ZNF804A: variants seen among roughly 807,000 people sequenced by gnomAD.
The protein encoded by ZNF804A is zinc finger protein 804A.
ZNF804A carries 2 observed loss-of-function variants against 16.5 expected under a neutral mutation model. The ratio of observed to expected loss-of-function variants is 0.12; its 90% CI spans 0.05 to 0.38. The LOEUF (loss-of-function observed/expected upper bound fraction) is 0.38, where lower values mean the gene tolerates loss of function less well. ZNF804A is among the 10% of genes least tolerant of loss of function. The pLI is 0.99. For synonymous variants in ZNF804A, 534 were observed against 489.6 expected (o/e 1.09, Z -1.20); for missense variants, 1,473 against 1,390.7 (o/e 1.06, Z -0.94).
At chr2:184,907,500 A>C (rs1368667590) in intron 2 of ZNF804A, among the ~76,000 whole-genome samples, 1 of 152,134 alleles carries the variant, frequency 6.6e-6, no homozygotes, top group Non-Finnish European at 1.5e-5. Flanking sequence ...TATTCTGTTA[A>C]ATTTTTATTG....
intron 1 of ZNF804A, among the ~76,000 whole-genome samples, chr2:184,752,958 A>C (rs1693898690): frequency 6.6e-6 from 1 of 151,624 alleles, no homozygotes; most frequent in African/African-American, 2.4e-5. Flanking sequence ...AATTAAAAAA[A>C]TAAGTTTTGG....
chr2:184,687,193 T>A (rs1227476942), intron 1 of ZNF804A, among the ~76,000 whole-genome samples: 2 of 152,216 alleles, frequency 1.3e-5, no homozygotes, highest in Non-Finnish European at 2.9e-5. Context: ...TGAGTTAGTT[T>A]TTGCATATGG....
chr2:184,662,881 C>T (rs1014656863), intron 1 of ZNF804A, among the ~76,000 whole-genome samples: 1 of 152,136 alleles, frequency 6.6e-6, no homozygotes, highest in Non-Finnish European at 1.5e-5. Flanking sequence ...TATCTTTTTC[C>T]TTTCAATTCA....
At chr2:184,782,515 A>G (rs1694385354) in intron 1 of ZNF804A, among the ~76,000 whole-genome samples, 1 of 151,438 alleles carries the variant, frequency 6.6e-6, no homozygotes, top group Non-Finnish European at 1.5e-5. Flanking sequence ...TGTTTCTCTC[A>G]TGCTGGATGC....
At chr2:184,668,955 T>C (rs2105711060) in intron 1 of ZNF804A, among the ~76,000 whole-genome samples, 1 of 149,112 alleles carries the variant, frequency 6.7e-6, no homozygotes, top group South Asian at 2.1e-4. Context: ...GTGACACCAT[T>C]TTTGTATTTA....
chr2:184,603,825 T>C (rs1466568176), intron 1 of ZNF804A, among the ~76,000 whole-genome samples: 2 of 152,188 alleles, frequency 1.3e-5, no homozygotes, highest in East Asian at 3.8e-4. Context: ...AAAGACCATC[T>C]TGTGTTTCAA....
chr2:184,619,094 G>T (rs1691377295), intron 1 of ZNF804A, among the ~76,000 whole-genome samples: 1 of 152,014 alleles, frequency 6.6e-6, no homozygotes, highest in Admixed American at 6.6e-5. Flanking sequence ...TGTGATGTGT[G>T]AACAAAAAGT....
chr2:184,639,397 A>G (rs1323916591), intron 1 of ZNF804A, among the ~76,000 whole-genome samples: 2 of 151,926 alleles, frequency 1.3e-5, no homozygotes, highest in Non-Finnish European at 2.9e-5. Flanking sequence ...TCAAACATTG[A>G]TGATTCAGGA....
In ZNF804A at chr2:184,938,643, C is replaced by G. The variant is rs760547302; in HGVS notation, c.3247C>G (p.Pro1083Ala). 2 of 1,614,010 alleles carry G rather than the reference C, an allele frequency of 1.2e-6. No individual in the cohort carries two copies. Among genetic ancestry groups the G allele is most frequent in the Non-Finnish European group, 1.7e-6 (2 of 1,179,988 alleles). ...ALPPPSTPLQPLPLQQSLCST... is the reference protein window; with the variant it reads ...ALPPPSTPLQALPLQQSLCST... ...CCCACCCCCTAGCACACCTCTGCAG[C>G]CTTTGCCTTTGCAGCAGTCCTTATG... is the stretch of plus-strand genomic sequence containing the variant. The change falls in exon 4 of 4, where the codon CCT (proline) becomes GCT (alanine). Residue 1083 changes from proline (P) to alanine (A), a missense_variant. By Grantham distance (27) the Pro-to-Ala change is conservative. Coordinates refer to ENST00000302277, the MANE Select transcript of ZNF804A (RefSeq NM_194250.2).
intron 1 of ZNF804A, among the ~76,000 whole-genome samples, chr2:184,624,341 A>T (rs1282805393): frequency 1.3e-5 from 2 of 152,184 alleles, no homozygotes; most frequent in Non-Finnish European, 2.9e-5. Flanking sequence ...CTAGCTGTAA[A>T]TATAAATGCT....
intron 2 of ZNF804A, among the ~76,000 whole-genome samples, chr2:184,883,151 A>G (rs991877252): frequency 2.0e-4 from 30 of 152,218 alleles, no homozygotes; most frequent in African/African-American, 7.2e-4. Context: ...GGCTACTATA[A>G]ACATCTGTGT....
At chr2:184,924,306 T>A (rs891957351) in intron 2 of ZNF804A, among the ~76,000 whole-genome samples, 2 of 151,874 alleles carry the variant, frequency 1.3e-5, no homozygotes, top group African/African-American at 2.4e-5. Flanking sequence ...CTTGTATATG[T>A]CTAGGAATTT....
chr2:184,938,733 G>A lies in ZNF804A; in HGVS notation c.3337G>A (p.Ala1113Thr), dbSNP rs1685842206. The change falls in exon 4 of 4, where the codon GCA (alanine) becomes ACA (threonine). Residue 1113 changes from alanine to threonine, a missense_variant. Ala to Thr is a moderately conservative substitution (Grantham distance 58, BLOSUM62 0). Coordinates refer to ENST00000302277, the MANE Select transcript of ZNF804A (RefSeq NM_194250.2). ...GCAGCACGCTGCAGCTGCTGCAGCT[G>A]CAGCTGCAGCCGCAGCTGCAGGAAC... is the stretch of plus-strand genomic sequence containing the variant. ...LQQHAAAAAA[A>T]AAAAAAGTFK... 6.2e-7 allele frequency: 1 copy of A among 1,607,780 alleles called. No individual in the cohort carries two copies.
chr2:184,699,303 C>G (rs1017288047), intron 1 of ZNF804A, among the ~76,000 whole-genome samples: 1 of 152,084 alleles, frequency 6.6e-6, no homozygotes, highest in African/African-American at 2.4e-5. Flanking sequence ...TTGTAAGAAT[C>G]AGCTTAAAAA....
intron 1 of ZNF804A, among the ~76,000 whole-genome samples, chr2:184,838,455 A>G (rs142573455): frequency 7.9e-4 from 121 of 152,232 alleles, no homozygotes; most frequent in African/African-American, 2.4e-3. Context: ...GTAGTAGATG[A>G]CACATAAATA....
At chr2:184,885,941 A>C (rs933107870) in intron 2 of ZNF804A, among the ~76,000 whole-genome samples, 4 of 152,156 alleles carry the variant, frequency 2.6e-5, no homozygotes, top group African/African-American at 9.7e-5. Flanking sequence ...TCCAAATCTC[A>C]TGTCCTCACA....
In ZNF804A at chr2:184,938,243, A is replaced by C. The variant is rs567550670; in HGVS notation, c.2847A>C (p.Gln949His). ...RSENINLNEK[Q>H]IPFQVPNIER... ...AGAATATAAATCTTAATGAAAAGCA[A>C]ATTCCTTTTCAGGTGCCTAATATTG... Residue 949 changes from glutamine (Q) to histidine (H), a missense_variant, in exon 4 of 4, where the codon CAA (glutamine) becomes CAC (histidine). Gln to His is a conservative substitution (Grantham distance 24). Transcript: ENST00000302277. 5 of 1,614,100 alleles carry C rather than the reference A, an allele frequency of 3.1e-6. No homozygotes were observed. The South Asian group carries it at 4.4e-5, about 14-fold the overall frequency.
chr2:184,736,333 A>G (rs1414725816), intron 1 of ZNF804A, among the ~76,000 whole-genome samples: 1 of 152,196 alleles, frequency 6.6e-6, no homozygotes, highest in African/African-American at 2.4e-5. Context: ...TTAAATGACC[A>G]TTATTTTATT....
At chr2:184,712,246 G>A (rs188162764) in intron 1 of ZNF804A, among the ~76,000 whole-genome samples, 3 of 151,790 alleles carry the variant, frequency 2.0e-5, no homozygotes, top group Non-Finnish European at 4.4e-5. Flanking sequence ...TGATCTTCCT[G>A]CCTCAGCCTC....
Sources: gnomAD v4.1 joint callset for allele counts (sites outside exome capture counted in the v4.1 genomes callset) on GRCh38, gnomAD v4.1.1 for gene constraint, MANE v1.5 for transcripts, NCBI Gene and HGNC (gene_info 2026-07-23, HGNC 2026-07-21) for gene names.